ZNF165: variants seen among roughly 807,000 people sequenced by gnomAD.
ZNF165 encodes the protein zinc finger protein 165.
ZNF165 carries 14 observed loss-of-function variants against 19.6 expected under a neutral mutation model. The observed-to-expected ratio is 0.71, with a 90% CI of 0.47 to 1.12. The LOEUF is 1.12. Among genes scored for constraint, ZNF165 ranks in the 50% most tolerant of loss-of-function variants. ZNF165 has a pLI of 0.00. For synonymous variants in ZNF165, 165 were observed against 195.0 expected, an observed-to-expected ratio of 0.85 and a Z score of 1.28; for missense variants, 504 against 566.3, an observed-to-expected ratio of 0.89 and a Z score of 1.12.
chr6:28,085,390 C>T, intron 1 of ZNF165, 91 bp from the exon 2 acceptor site: 1 of 1,310,956 alleles, frequency 7.6e-7, no homozygotes, highest in Non-Finnish European at 1.1e-6. Flanking sequence ...TCTTCTTAGA[C>T]AGTAATAGTA....
At chr6:28,086,929 T>C (rs16893666) in intron 3 of ZNF165, among the ~76,000 whole-genome samples, 35,689 of 151,930 alleles carry the variant, frequency 0.23, 4,359 homozygotes, top group African/African-American at 0.3. Context: ...AGAAGCAAAA[T>C]ATGTTCATAG....
At position 28,089,528 on chromosome 6, in the gene ZNF165, TA is replaced by T; in HGVS notation, c.*64del. The stretch of plus-strand genomic sequence containing the variant: ...ATGGCACAATATGAAAAATATTAAA[TA>T]AAAAATAAATATTGGGCAAGATGGA... On this transcript the variant is annotated 3_prime_UTR_variant, in exon 4 of 4. Coordinates refer to ENST00000683778, the MANE Select transcript of ZNF165 (RefSeq NM_001376491.1). 6.9e-7 allele frequency: 1 copy of T among 1,439,144 alleles called. No individual in the cohort carries two copies. The highest frequency in any genetic ancestry group is 9.2e-7 in the Non-Finnish European group (1 of 1,089,294). The allele number at this position is 1,439,144 out of a possible 1,614,324, so 89.1% of individuals were successfully genotyped here. A position where few individuals can be genotyped will look rare whatever the true frequency, so the allele number is the denominator to read the frequency against.
chr6:28,080,818 G>A lies in ZNF165; in HGVS notation c.-153G>A, dbSNP rs1451333767. ...GGACTTTGGCGAAAAGTCTGCGCCC[G>A]AAGAGACCCAGGAAGGATTCTTGGA... On this transcript the variant is annotated 5_prime_UTR_variant, in exon 1 of 4. Coordinates refer to ENST00000683778, the MANE Select transcript of ZNF165 (RefSeq NM_001376491.1). 1 of 152,220 alleles carries A rather than the reference G, an allele frequency of 6.6e-6. No homozygotes were observed. The highest frequency in any genetic ancestry group is 1.5e-5 in the Non-Finnish European group (1 of 68,086). 9.4% of individuals were successfully genotyped at this position (152,220 alleles called of 1,614,324 possible).
chr6:28,083,640 C>A (rs1764204415), intron 1 of ZNF165, among the ~76,000 whole-genome samples: 1 of 152,202 alleles, frequency 6.6e-6, no homozygotes, highest in African/African-American at 2.4e-5. Flanking sequence ...GAGATAAGAA[C>A]CCCTTCCTCT....
intron 2 of ZNF165, 88 bp downstream of exon 2, chr6:28,085,979 C>T: frequency 1.3e-6 from 2 of 1,547,800 alleles, no homozygotes; most frequent in South Asian, 1.2e-5. Context: ...ATCTAGCTTG[C>T]AGGAGCTGTT....
Position 28,085,676 on chromosome 6 carries a change from G to C in ZNF165, c.196G>C (p.Ala66Pro). The change falls in exon 2 of 4, where the codon GCA becomes CCA. Residue 66 changes from alanine to proline, a missense_variant. Coordinates refer to ENST00000683778, the MANE Select transcript of ZNF165 (RefSeq NM_001376491.1). The stretch of plus-strand genomic sequence containing the variant: ...CCAGGATTCTCCTGGACCTCGCGAG[G>C]CACTGAGCCGCCTCCGGGAGCTCTG... ...CYQDSPGPRE[A>P]LSRLRELCCQ... 1 of 1,614,136 alleles carries C rather than the reference G, an allele frequency of 6.2e-7. No homozygotes were observed.
rs193242675 is a variant in ZNF165 at position 28,084,788 on chromosome 6, A to G, written c.1-693A>G. On this transcript the variant is annotated intron_variant, in intron 1 of 3. Transcript: ENST00000683778. ...TTTAGCAGGTCATTCTGCTCAGAAG[A>G]ATTGACTCCTCTTCAGTGACTCCCC... 2.0e-4 allele frequency among the ~76,000 whole-genome samples: 30 copies of G among 152,348 alleles called. No individual in the cohort carries two copies. In the East Asian group the frequency reaches 2.7e-3, roughly 14 times the overall value.
At chr6:28,086,412 A>T in intron 3 of ZNF165, 102 bp downstream of exon 3, 1 of 1,464,856 alleles carries the variant, frequency 6.8e-7, no homozygotes, top group Non-Finnish European at 9.1e-7. Flanking sequence ...CCTTTCCTTT[A>T]TTACCCAATG....
chr6:28,089,242 C>T lies in ZNF165; in HGVS notation c.1230C>T (p.Asn410=). The T allele has an allele frequency of 6.2e-7, 1 of 1,614,148 alleles. No homozygotes were observed. Among genetic ancestry groups the T allele is most frequent in the South Asian group, 1.1e-5 (1 of 91,088 alleles). Residue 410 remains asparagine (N), a synonymous_variant, in exon 4 of 4, where the codon AAC becomes AAT. Transcript: ENST00000683778. ...GCAAAGAATGTGGGAGAGCATTCAACCTGAACTCACATCTTATCAGGCATC... is the reference window on the plus strand; with the variant it reads ...GCAAAGAATGTGGGAGAGCATTCAATCTGAACTCACATCTTATCAGGCATC... The part of the protein sequence containing the change: ...FGCKECGRAF[N]LNSHLIRHQR...
intron 3 of ZNF165, 42 bp from the exon 4 acceptor site, chr6:28,088,521 G>A (rs369474661): frequency 2.4e-4 from 360 of 1,527,806 alleles, no homozygotes; most frequent in Middle Eastern, 6.2e-4. Flanking sequence ...TTTTCTTTTC[G>A]TGCAGCAAAC....
chr6:28,088,961 G>A lies in ZNF165; in HGVS notation c.949G>A (p.Glu317Lys). 1 of 1,614,088 alleles carries A rather than the reference G, an allele frequency of 6.2e-7. No homozygotes were observed. Among genetic ancestry groups the A allele is most frequent in the Non-Finnish European group, 8.5e-7 (1 of 1,180,016 alleles). Residue 317 changes from glutamate (E) to lysine (K), a missense_variant, in exon 4 of 4, where the codon GAA becomes AAA. Physicochemically the swap from Glu to Lys is moderately conservative, Grantham distance 56. Coordinates refer to ENST00000683778, the MANE Select transcript of ZNF165 (RefSeq NM_001376491.1). ...TAACCATCAAATAATTTATGCTGGA[G>A]AAAAAAATCACCAATATGGAAAATC... ...FINHQIIYAG[E>K]KNHQYGKSFK...
chr6:28,088,941 A>G lies in ZNF165; in HGVS notation c.929A>G (p.His310Arg), dbSNP rs1764361801. 6.2e-7 allele frequency: 1 copy of G among 1,614,208 alleles called. No individual in the cohort carries two copies. Among genetic ancestry groups the G allele is most frequent in the Non-Finnish European group, 8.5e-7 (1 of 1,180,040 alleles). Residue 310 changes from histidine (H) to arginine (R), a missense_variant, in exon 4 of 4, where the codon CAT becomes CGT. His to Arg is a conservative substitution (Grantham distance 29, BLOSUM62 0). Transcript: ENST00000683778. ...AAATGGAACTCAGATTTTATTAACC[A>G]TCAAATAATTTATGCTGGAGAAAAA... ...SFKWNSDFIN[H>R]QIIYAGEKNH...
intron 2 of ZNF165, 40 bp from the exon 3 acceptor site, chr6:28,086,132 G>A: frequency 6.3e-7 from 1 of 1,584,652 alleles, no homozygotes; most frequent in South Asian, 1.2e-5. Flanking sequence ...TTTAACACAG[G>A]GATTCTTTTA....
In ZNF165 at chr6:28,089,307, A is replaced by G. The variant is rs757201229; in HGVS notation, c.1295A>G (p.Glu432Gly). 1.2e-6 allele frequency: 2 copies of G among 1,614,194 alleles called. No individual in the cohort carries two copies. The highest frequency in any genetic ancestry group is 1.7e-6 in the Non-Finnish European group (2 of 1,180,034). The stretch of plus-strand genomic sequence containing the variant: ...AGAGAGAAACCCTACGAGTGTAGTG[A>G]ATGTGGGAAAACCTTCCGAGTGAGC... ...HTREKPYECSECGKTFRVSSH... is the reference protein window; with the variant it reads ...HTREKPYECSGCGKTFRVSSH... The change falls in exon 4 of 4, where the codon GAA becomes GGA. Residue 432 changes from glutamate to glycine, a missense_variant. Coordinates refer to ENST00000683778, the MANE Select transcript of ZNF165 (RefSeq NM_001376491.1).
Position 28,089,309 on chromosome 6 carries a change from T to C in ZNF165, c.1297T>C (p.Cys433Arg), listed in dbSNP as rs375483938. Residue 433 changes from cysteine to arginine, a missense_variant, in exon 4 of 4, where the codon TGT (cysteine) becomes CGT (arginine). Cys to Arg is a radical substitution (Grantham distance 180). Transcript: ENST00000683778. ...TREKPYECSE[C>R]GKTFRVSSHL... ...AGAGAAACCCTACGAGTGTAGTGAA[T>C]GTGGGAAAACCTTCCGAGTGAGCTC... 24 of 1,614,194 alleles carry C rather than the reference T, an allele frequency of 1.5e-5. 1 individual carries two copies. In the African/African-American group the frequency reaches 3.1e-4, roughly 21 times the overall value.
At chr6:28,083,861 C>T (rs137924989) in intron 1 of ZNF165, among the ~76,000 whole-genome samples, 41 of 152,316 alleles carry the variant, frequency 2.7e-4, no homozygotes, top group African/African-American at 8.4e-4. Context: ...TCAGTATCTC[C>T]ACCATAAACT....
chr6:28,088,753 C>T lies in ZNF165; in HGVS notation c.741C>T (p.Leu247=), dbSNP rs766610788. The T allele has an allele frequency of 2.1e-5, 34 of 1,614,008 alleles. No homozygotes were observed. Among genetic ancestry groups the T allele is most frequent in the Non-Finnish European group, 2.2e-5 (26 of 1,180,038 alleles). The stretch of plus-strand genomic sequence containing the variant: ...AAGAATCAGGGGAGTCTCAGAGACT[C>T]TCGTCTGCCCAGGATGAAGGTTTTG... ...WEKESGESQR[L]SSAQDEGFGK... Residue 247 remains leucine, a synonymous_variant, in exon 4 of 4, where the codon CTC becomes CTT. Coordinates refer to ENST00000683778, the MANE Select transcript of ZNF165 (RefSeq NM_001376491.1).
chr6:28,084,494 C>G (rs1010906781), intron 1 of ZNF165, among the ~76,000 whole-genome samples: 1 of 152,012 alleles, frequency 6.6e-6, no homozygotes, highest in African/African-American at 2.4e-5. Context: ...CACATCTCTA[C>G]TAAAAATACA....
chr6:28,089,121 G>A lies in ZNF165; in HGVS notation c.1109G>A (p.Arg370Lys). The change falls in exon 4 of 4, where the codon AGA becomes AAA. Residue 370 changes from arginine to lysine, a missense_variant. Physicochemically the swap from Arg to Lys is conservative, Grantham distance 26. Transcript: ENST00000683778. ...CATCAGAGAATCCACACTGGAGAGAGATGCTATGAATGTAATGAATGTGGG... is the reference window on the plus strand; with the variant it reads ...CATCAGAGAATCCACACTGGAGAGAAATGCTATGAATGTAATGAATGTGGG... The part of the protein sequence containing the change: ...ARHQRIHTGE[R>K]CYECNECGKS... The A allele has an allele frequency of 6.2e-7, 1 of 1,614,186 alleles. No individual in the cohort carries two copies. Among genetic ancestry groups the A allele is most frequent in the Non-Finnish European group, 8.5e-7 (1 of 1,180,002 alleles).
Sources: gnomAD v4.1 joint callset for allele counts (sites outside exome capture counted in the v4.1 genomes callset) on GRCh38, gnomAD v4.1.1 for gene constraint, MANE v1.5 for transcripts, NCBI Gene and HGNC (gene_info 2026-07-23, HGNC 2026-07-21) for gene names.